HYAL4: variants seen among roughly 807,000 people sequenced by gnomAD.
HYAL4 encodes the protein hyaluronidase-4.
Under a neutral mutation model 35.2 loss-of-function variants are expected in HYAL4, and 37 were observed. The observed-to-expected ratio is 1.05, with a 90% CI of 0.81 to 1.38. The LOEUF is 1.38. Among genes scored for constraint, HYAL4 ranks in the 40% most tolerant of loss-of-function variants. The pLI is 0.00. For missense variants in HYAL4, 572 were observed against 572.4 expected (o/e 1.00, Z 0.01); for synonymous variants, 198 against 203.2 (o/e 0.97, Z 0.22).
chr7:123,841,803 G>A (rs1262922036), upstream of HYAL4, among the ~76,000 whole-genome samples: 2 of 152,008 alleles, frequency 1.3e-5, no homozygotes, highest in Admixed American at 6.6e-5. Context: ...GGTATTCACT[G>A]ATGGTAGTTT....
intron 2 of HYAL4, among the ~76,000 whole-genome samples, chr7:123,858,155 C>T (rs1446327687): frequency 6.6e-6 from 1 of 152,080 alleles, no homozygotes; most frequent in Non-Finnish European, 1.5e-5. Context: ...TGATATTGTG[C>T]CACTACACTT....
chr7:123,846,691 A>G (rs899537506), intron 1 of HYAL4, among the ~76,000 whole-genome samples: 11 of 151,856 alleles, frequency 7.2e-5, no homozygotes, highest in Admixed American at 6.6e-4. Flanking sequence ...AATTGTTACA[A>G]AGTTCAGCTG....
chr7:123,774,396 G>A, the HYAL4 span, among the ~76,000 whole-genome samples: 1 of 151,602 alleles, frequency 6.6e-6, no homozygotes, highest in East Asian at 1.9e-4. Context: ...ATGCTCCTTT[G>A]CCTTGATCTT....
intron 2 of HYAL4, among the ~76,000 whole-genome samples, chr7:123,862,991 T>C (rs1209798289): frequency 1.3e-5 from 2 of 152,222 alleles, no homozygotes; most frequent in African/African-American, 4.8e-5. Flanking sequence ...GCAGACATGC[T>C]CTGCCACAGG....
the HYAL4 span, among the ~76,000 whole-genome samples, chr7:123,812,897 T>TA: frequency 6.6e-6 from 1 of 152,126 alleles, no homozygotes. Context: ...TCTGATAGCT[T>TA]AGAGATTCAT....
chr7:123,800,331 G>A, the HYAL4 span, among the ~76,000 whole-genome samples: 2 of 150,048 alleles, frequency 1.3e-5, no homozygotes, highest in Non-Finnish European at 3.0e-5. Flanking sequence ...CACCATGCCC[G>A]GCTAATTTTT....
the HYAL4 span, among the ~76,000 whole-genome samples, chr7:123,822,629 C>T: frequency 6.6e-6 from 1 of 152,084 alleles, no homozygotes; most frequent in African/African-American, 2.4e-5. Flanking sequence ...TGCCTAATTG[C>T]TCTAGCTAGG....
At chr7:123,777,899 C>A in the HYAL4 span, among the ~76,000 whole-genome samples, 1 of 149,428 alleles carries the variant, frequency 6.7e-6, no homozygotes. Flanking sequence ...AGAAAGAAAT[C>A]AGGGCAAAAT....
chr7:123,819,449 G>C, the HYAL4 span: 3 of 152,632 alleles, frequency 2.0e-5, no homozygotes, highest in East Asian at 5.8e-4. Context: ...TGATTTCTCT[G>C]TCAGCAACTT....
intron 1 of HYAL4, among the ~76,000 whole-genome samples, chr7:123,834,616 G>A (rs1418010033): frequency 1.3e-5 from 2 of 152,134 alleles, no homozygotes; most frequent in Admixed American, 1.3e-4. Context: ...CCAGTACTAT[G>A]TTGAAGAGAA....
chr7:123,818,177 A>G, the HYAL4 span, among the ~76,000 whole-genome samples: 1 of 152,158 alleles, frequency 6.6e-6, no homozygotes. Flanking sequence ...GCACCTGACC[A>G]GTTGTCTTAA....
chr7:123,861,288 A>G (rs527520781), intron 2 of HYAL4, among the ~76,000 whole-genome samples: 3 of 152,328 alleles, frequency 2.0e-5, no homozygotes, highest in South Asian at 2.1e-4. Context: ...AATCTTGACT[A>G]TGGACATTGG....
chr7:123,786,564 G>A, the HYAL4 span, among the ~76,000 whole-genome samples: 228 of 151,282 alleles, frequency 1.5e-3, no homozygotes, highest in African/African-American at 5.3e-3. Flanking sequence ...TTAAAAGTAT[G>A]CATCAGTTTT....
At chr7:123,840,705 C>G (rs1806043250), upstream of HYAL4, among the ~76,000 whole-genome samples, 3 of 151,996 alleles carry the variant, frequency 2.0e-5, no homozygotes, top group Non-Finnish European at 4.4e-5. Context: ...TCCTTCACAT[C>G]CCTTGTAAAT....
At chr7:123,835,237 G>T (rs1450019479) in intron 1 of HYAL4, among the ~76,000 whole-genome samples, 1 of 150,944 alleles carries the variant, frequency 6.6e-6, no homozygotes, top group Non-Finnish European at 1.5e-5. Context: ...ATTTTTTTTT[G>T]TTACCATTTC....
At chr7:123,848,878 C>T (rs147288139) in intron 2 of HYAL4, among the ~76,000 whole-genome samples, 9 of 152,106 alleles carry the variant, frequency 5.9e-5, no homozygotes, top group South Asian at 2.1e-4. Context: ...AAAACTGGGT[C>T]GTACATTTTC....
chr7:123,784,974 T>C, the HYAL4 span, among the ~76,000 whole-genome samples: 2 of 152,312 alleles, frequency 1.3e-5, no homozygotes, highest in South Asian at 4.1e-4. Flanking sequence ...AAGAGAGAAG[T>C]GGTGTTTTTC....
chr7:123,785,901 T>G, the HYAL4 span, among the ~76,000 whole-genome samples: 12 of 152,110 alleles, frequency 7.9e-5, no homozygotes, highest in Non-Finnish European at 1.2e-4. This position sits in a 1 kb window ranked among gnomAD's most constrained non-coding sequence, Gnocchi z 4.5. Flanking sequence ...AAATTTACAT[T>G]TCCTTTCCTG....
At chr7:123,797,974 T>C in the HYAL4 span, among the ~76,000 whole-genome samples, 1 of 152,234 alleles carries the variant, frequency 6.6e-6, no homozygotes, top group Non-Finnish European at 1.5e-5. Flanking sequence ...TATAGATTCC[T>C]CAATAAGCAA....
Sources: gnomAD v4.1 joint callset for allele counts (sites outside exome capture counted in the v4.1 genomes callset) on GRCh38, gnomAD v4.1.1 for gene constraint, Gnocchi (gnomAD v3.1) non-coding constraint, MANE v1.5 for transcripts, NCBI Gene and HGNC (gene_info 2026-07-23, HGNC 2026-07-21) for gene names.